RPS6KC1: variants seen among roughly 807,000 people sequenced by gnomAD.
The protein encoded by RPS6KC1 is ribosomal protein S6 kinase C1.
RPS6KC1 carries 54 observed loss-of-function variants against 103.8 expected under a neutral mutation model. The observed-to-expected ratio is 0.52, with a 90% CI of 0.42 to 0.65. RPS6KC1 has a LOEUF of 0.65. RPS6KC1 is among the 30% of genes least tolerant of loss of function. RPS6KC1 has a pLI of 0.00. For synonymous variants in RPS6KC1, 439 were observed against 438.7 expected (o/e 1.00, Z -0.01); for missense variants, 1,151 against 1,253.8 (o/e 0.92, Z 1.24).
At chr1:213,308,769 G>T in the RPS6KC1 span, among the ~76,000 whole-genome samples, 1 of 152,178 alleles carries the variant, frequency 6.6e-6, no homozygotes, top group African/African-American at 2.4e-5. Context: ...TTTTAACCCT[G>T]CCCATTGGGT....
chr1:213,456,632 AT>A, the RPS6KC1 span, among the ~76,000 whole-genome samples: 4 of 152,124 alleles, frequency 2.6e-5, no homozygotes. Flanking sequence ...ATACCCTTTC[AT>A]GATTTACAGA....
intron 3 of RPS6KC1, among the ~76,000 whole-genome samples, chr1:213,088,283 C>T (rs1200567021): frequency 6.6e-6 from 1 of 152,158 alleles, no homozygotes; most frequent in African/African-American, 2.4e-5. Flanking sequence ...CTAAGTTGTT[C>T]CTTCTTTGGG....
chr1:213,765,769 A>G, the RPS6KC1 span, among the ~76,000 whole-genome samples: 1 of 152,108 alleles, frequency 6.6e-6, no homozygotes, highest in African/African-American at 2.4e-5. Flanking sequence ...TAAGTAACCC[A>G]AGTCAGCTGC....
At chr1:213,795,294 T>C in the RPS6KC1 span, among the ~76,000 whole-genome samples, 1 of 152,224 alleles carries the variant, frequency 6.6e-6, no homozygotes, top group African/African-American at 2.4e-5. Context: ...CTTTGTAACC[T>C]AGGGCTGTGG....
the RPS6KC1 span, among the ~76,000 whole-genome samples, chr1:213,332,348 T>C: frequency 6.6e-6 from 1 of 152,242 alleles, no homozygotes; most frequent in African/African-American, 2.4e-5. Flanking sequence ...ACAGTCCTTT[T>C]AAAATACCTT....
rs2095076054 is a variant in RPS6KC1 at position 213,272,815 on chromosome 1, G to C, written c.*181G>C. The stretch of plus-strand genomic sequence containing the variant: ...ATTCGTTTACAATTACAAGATATTA[G>C]CTAATTGTGCCAGGGGCTGTTATAT... On this transcript the variant is annotated 3_prime_UTR_variant, in exon 15 of 15. Transcript: ENST00000366960. 3 of 520,466 alleles carry C rather than the reference G, an allele frequency of 5.8e-6. No homozygotes were observed. The highest frequency in any genetic ancestry group is 1.1e-5 in the Non-Finnish European group (3 of 285,104). 32.2% of individuals were successfully genotyped at this position (520,466 alleles called of 1,614,324 possible).
At chr1:213,406,846 C>G in the RPS6KC1 span, among the ~76,000 whole-genome samples, 1 of 152,166 alleles carries the variant, frequency 6.6e-6, no homozygotes, top group African/African-American at 2.4e-5. Flanking sequence ...CACATTGTTA[C>G]ACTGAGTCCT....
chr1:213,221,325 C>A (rs1324808240), intron 8 of RPS6KC1, among the ~76,000 whole-genome samples: 1 of 152,106 alleles, frequency 6.6e-6, no homozygotes, highest in East Asian at 1.9e-4. Context: ...CGAACTGATG[C>A]TTCATGACGT....
At chr1:213,634,598 A>G in the RPS6KC1 span, among the ~76,000 whole-genome samples, 1 of 152,256 alleles carries the variant, frequency 6.6e-6, no homozygotes, top group Non-Finnish European at 1.5e-5. Context: ...AGGGAAATTT[A>G]TAGCTCTAAA....
intron 8 of RPS6KC1, among the ~76,000 whole-genome samples, chr1:213,209,408 A>T (rs2093438919): frequency 1.3e-5 from 2 of 152,154 alleles, no homozygotes; most frequent in South Asian, 4.1e-4. Flanking sequence ...TTAAGAATGT[A>T]AAGGAGGCCA....
the RPS6KC1 span, among the ~76,000 whole-genome samples, chr1:213,700,538 G>T: frequency 6.6e-6 from 1 of 151,292 alleles, no homozygotes; most frequent in Non-Finnish European, 1.5e-5. Context: ...GCTATTCTGG[G>T]TCTTTTGTGA....
the RPS6KC1 span, among the ~76,000 whole-genome samples, chr1:213,354,332 T>C: frequency 6.6e-6 from 1 of 152,246 alleles, no homozygotes; most frequent in Non-Finnish European, 1.5e-5. Flanking sequence ...AATGATCCCC[T>C]GCACTTTTGT....
chr1:213,137,751 T>TGC (rs1212611607), intron 6 of RPS6KC1, among the ~76,000 whole-genome samples: 190 of 30,538 alleles, frequency 6.2e-3, no homozygotes, highest in African/African-American at 0.012. Flanking sequence ...AAGTCCAGTT[T>TGC]GCTCTCTCTC....
chr1:213,481,338 T>A, the RPS6KC1 span, among the ~76,000 whole-genome samples: 1 of 152,200 alleles, frequency 6.6e-6, no homozygotes, highest in East Asian at 1.9e-4. Context: ...TAATGAGATA[T>A]TTACATTGAA....
At chr1:213,643,592 G>A in the RPS6KC1 span, among the ~76,000 whole-genome samples, 1 of 151,480 alleles carries the variant, frequency 6.6e-6, no homozygotes, top group Non-Finnish European at 1.5e-5. Context: ...AGTAATGACT[G>A]TTTTTATTTC....
chr1:213,647,825 T>C, the RPS6KC1 span, among the ~76,000 whole-genome samples: 1 of 152,202 alleles, frequency 6.6e-6, no homozygotes, highest in Non-Finnish European at 1.5e-5. Context: ...TAGTAGCCAT[T>C]TGAAGAAACA....
the RPS6KC1 span, among the ~76,000 whole-genome samples, chr1:213,467,602 T>C: frequency 1.3e-5 from 2 of 152,224 alleles, no homozygotes; most frequent in African/African-American, 4.8e-5. Context: ...TCTTGGTTTT[T>C]GTTTTTGGCA....
At chr1:213,058,690 A>G (rs2077560332) in intron 1 of RPS6KC1, among the ~76,000 whole-genome samples, 1 of 152,070 alleles carries the variant, frequency 6.6e-6, no homozygotes, top group Non-Finnish European at 1.5e-5. Flanking sequence ...ATTAGGCAAT[A>G]TTGTTTCTCC....
chr1:213,086,699 T>G (rs2148620189), intron 3 of RPS6KC1, among the ~76,000 whole-genome samples: 1 of 152,326 alleles, frequency 6.6e-6, no homozygotes, highest in Non-Finnish European at 1.5e-5. Flanking sequence ...TAGGTATGCT[T>G]CTTGCAACTT....
Sources: allele counts gnomAD v4.1 joint callset (sites outside exome capture counted in the v4.1 genomes callset), GRCh38; gene constraint gnomAD v4.1.1; transcripts MANE v1.5; gene names NCBI Gene and HGNC (gene_info 2026-07-23, HGNC 2026-07-21).